Variants in M1AP observed in about 807,000 individuals in gnomAD.
The protein encoded by M1AP is meiosis 1 arrest protein.
In M1AP, 39 loss-of-function variants were observed where a neutral mutation model predicts 51.2. The observed-to-expected ratio is 0.76, with a 90% CI of 0.59 to 1.00. The LOEUF (loss-of-function observed/expected upper bound fraction) is 1.00, where lower values mean the gene tolerates loss of function less well. Ranked by LOEUF, M1AP falls within the 50% of genes least tolerant of loss-of-function variation. M1AP has a pLI of 0.00. For missense variants in M1AP, 545 were observed against 641.2 expected (o/e 0.85, Z 1.62); for synonymous variants, 251 against 249.2 (o/e 1.01, Z -0.07).
At chr2:74,600,041 G>T (rs1361809818) in intron 4 of M1AP, among the ~76,000 whole-genome samples, 1 of 152,020 alleles carries the variant, frequency 6.6e-6, no homozygotes, top group Non-Finnish European at 1.5e-5. Context: ...TAGGGTTACA[G>T]GTATGAGCCA....
chr2:74,567,706 G>A (rs1414179569), intron 7 of M1AP, among the ~76,000 whole-genome samples: 7 of 152,202 alleles, frequency 4.6e-5, no homozygotes, highest in South Asian at 4.1e-4. Context: ...TTAAAAATAC[G>A]TGAATAATTC....
intron 2 of M1AP, among the ~76,000 whole-genome samples, chr2:74,622,911 CT>C (rs1288094111): frequency 6.9e-6 from 1 of 145,744 alleles, no homozygotes; most frequent in African/African-American, 2.6e-5. Context: ...AGGGCAACCC[CT>C]AAAAGAAAAT....
intron 2 of M1AP, among the ~76,000 whole-genome samples, chr2:74,617,072 ATTTTAAGCCTCACCTTGGTATTTT>A (rs1681711786): frequency 6.6e-6 from 1 of 152,250 alleles, no homozygotes; most frequent in South Asian, 2.1e-4. Context: ...TGTACTAAAA[ATTTTAAGCCTCACCTTGGTATTTT>A]AAAAGACTAA....
intron 3 of M1AP, among the ~76,000 whole-genome samples, chr2:74,609,791 T>G (rs566413235): frequency 9.8e-5 from 15 of 152,318 alleles, no homozygotes; most frequent in South Asian, 2.1e-4. Context: ...TGGGTTTGAT[T>G]TGCATTTCTC....
In M1AP at chr2:74,640,050, T is replaced by A; in HGVS notation, c.226A>T (p.Ile76Phe). The A allele has an allele frequency of 6.2e-7, 1 of 1,614,090 alleles. No individual in the cohort carries two copies. Among genetic ancestry groups the A allele is most frequent in the Non-Finnish European group, 8.5e-7 (1 of 1,179,934 alleles). ...GATATACTTACCACAAAAGGGAGGA[T>A]GCACTCATGCTGATCTTGTACCATG... ...LYMVQDQHEC[I>F]LPFVQVKGNF... is the part of the protein sequence containing the mutation. The change falls in exon 2 of 11, where the codon ATC becomes TTC. Residue 76 changes from isoleucine (I) to phenylalanine (F), a missense_variant. Physicochemically the swap from Ile to Phe is conservative, Grantham distance 21. Coordinates refer to ENST00000421985, the MANE Select transcript of M1AP (RefSeq NM_001321739.2).
intron 4 of M1AP, among the ~76,000 whole-genome samples, chr2:74,588,783 G>A (rs565407783): frequency 2.6e-5 from 4 of 152,338 alleles, no homozygotes; most frequent in African/African-American, 7.2e-5. Context: ...TAACTGTAAT[G>A]AGATAGAGAA....
intron 5 of M1AP, chr2:74,576,882 T>G: frequency 8.4e-7 from 1 of 1,191,932 alleles, no homozygotes; most frequent in Non-Finnish European, 1.1e-6. Flanking sequence ...ACATGATCTT[T>G]ACTTGTTTTA....
chr2:74,642,698 A>G (rs763282381), intron 1 of M1AP, among the ~76,000 whole-genome samples: 1 of 152,208 alleles, frequency 6.6e-6, no homozygotes, highest in Non-Finnish European at 1.5e-5. Context: ...AAAATCTAAA[A>G]TAATCTACAG....
intron 9 of M1AP, 36 bp downstream of exon 9, chr2:74,560,115 G>A: frequency 6.2e-7 from 1 of 1,607,756 alleles, no homozygotes; most frequent in East Asian, 2.2e-5. Context: ...GGAGGGAGGG[G>A]AAGTAAGGAA....
chr2:74,615,193 G>T (rs770554155), intron 2 of M1AP, 44 bp from the exon 3 acceptor site: 5 of 1,544,284 alleles, frequency 3.2e-6, no homozygotes, highest in Non-Finnish European at 2.7e-6. Flanking sequence ...TTAGGGACCA[G>T]GTTTCAGATT....
intron 6 of M1AP, 93 bp downstream of exon 6, chr2:74,576,363 A>G (rs1679065028): frequency 7.3e-7 from 1 of 1,364,480 alleles, no homozygotes; most frequent in African/African-American, 1.4e-5. Context: ...CCTGCCTGAC[A>G]CTTAAGAGAT....
rs749312374 is a variant in M1AP, at chr2:74,607,060, T to C, written c.590A>G (p.Asn197Ser). The stretch of plus-strand genomic sequence containing the variant: ...CCTTGTTAAAAAATTCTTACCATCA[T>C]TGCTGGTATCCTCAACAGGAGACGC... ...DSASPVEDTS[N>S]DESSILGTDI... Residue 197 changes from asparagine to serine, a missense_variant, in exon 4 of 11, where the codon AAT becomes AGT. Coordinates refer to ENST00000421985, the MANE Select transcript of M1AP (RefSeq NM_001321739.2). The C allele has an allele frequency of 1.9e-6, 3 of 1,612,742 alleles. No homozygotes were observed. Among genetic ancestry groups the C allele is most frequent in the Non-Finnish European group, 2.5e-6 (3 of 1,179,444 alleles).
At chr2:74,626,534 C>T (rs971599237) in intron 2 of M1AP, among the ~76,000 whole-genome samples, 6 of 152,240 alleles carry the variant, frequency 3.9e-5, no homozygotes, top group African/African-American at 1.4e-4. Context: ...GCTAGGATTA[C>T]AGGCATGAAC....
chr2:74,618,282 G>A (rs531497028), intron 2 of M1AP, among the ~76,000 whole-genome samples: 1 of 152,288 alleles, frequency 6.6e-6, no homozygotes, highest in Admixed American at 6.5e-5. Flanking sequence ...CATGCAGACA[G>A]TTCACCCCAG....
intron 6 of M1AP, among the ~76,000 whole-genome samples, chr2:74,575,873 A>T (rs1679034232): frequency 6.6e-6 from 1 of 152,146 alleles, no homozygotes; most frequent in African/African-American, 2.4e-5. Context: ...TTTTTCTTTC[A>T]AGATAAGGGC....
intron 2 of M1AP, 131 bp downstream of exon 2, chr2:74,639,905 C>T: frequency 1.3e-6 from 1 of 790,840 alleles, no homozygotes; most frequent in South Asian, 1.7e-5. Context: ...CATGGTGTTA[C>T]TCGGGGGCTA....
chr2:74,611,353 T>A (rs1681332725), intron 3 of M1AP, among the ~76,000 whole-genome samples: 1 of 152,230 alleles, frequency 6.6e-6, no homozygotes, highest in Non-Finnish European at 1.5e-5. Context: ...TCAATCTCAT[T>A]ACTCACTGTT....
chr2:74,605,716 C>G (rs377280112), intron 4 of M1AP, among the ~76,000 whole-genome samples: 1 of 151,938 alleles, frequency 6.6e-6, no homozygotes, highest in Non-Finnish European at 1.5e-5. Context: ...CTGGCTAACA[C>G]GGTGAAACCC....
At chr2:74,595,658 T>C (rs1680288592) in intron 4 of M1AP, among the ~76,000 whole-genome samples, 1 of 152,196 alleles carries the variant, frequency 6.6e-6, no homozygotes, top group Non-Finnish European at 1.5e-5. Flanking sequence ...AACACTTTTC[T>C]TGTGGAGTTT....
Sources: allele counts gnomAD v4.1 joint callset (sites outside exome capture counted in the v4.1 genomes callset), GRCh38; gene constraint gnomAD v4.1.1; transcripts MANE v1.5; gene names NCBI Gene and HGNC (gene_info 2026-07-23, HGNC 2026-07-21).